Variants in CUX1 observed in about 807,000 individuals in gnomAD.
CUX1 encodes the protein protein CASP.
In CUX1, 31 loss-of-function variants were observed where a neutral mutation model predicts 158.8. The ratio of observed to expected loss-of-function variants is 0.20; its 90% CI spans 0.15 to 0.26. The LOEUF (loss-of-function observed/expected upper bound fraction) is 0.26. Among genes scored for constraint, CUX1 ranks in the 10% least tolerant of loss-of-function variants. The pLI, the probability that CUX1 is intolerant of heterozygous loss-of-function variation, is 1.00. For missense variants in CUX1, 1,589 were observed against 2,014.6 expected, an observed-to-expected ratio of 0.79 and a Z score of 4.04; for synonymous variants, 879 against 862.1, an observed-to-expected ratio of 1.02 and a Z score of -0.34.
intron 1 of CUX1, among the ~76,000 whole-genome samples, chr7:101,837,187 T>G (rs1024481798): frequency 6.6e-6 from 1 of 152,190 alleles, no homozygotes; most frequent in African/African-American, 2.4e-5. Flanking sequence ...GGAGGACATA[T>G]GTCCTCTAAG....
At chr7:102,208,233 A>G (rs1796144121) in intron 20 of CUX1, among the ~76,000 whole-genome samples, 1 of 109,728 alleles carries the variant, frequency 9.1e-6, no homozygotes, top group African/African-American at 3.4e-5. Flanking sequence ...TTCACAGTAT[A>G]TGGAGTGTGT....
chr7:101,927,901 C>A lies in CUX1; in HGVS notation c.141+11676C>A, dbSNP rs149090697. Among the ~76,000 whole-genome samples the A allele has an allele frequency of 5.4e-3, 823 of 152,286 alleles. 5 individuals are homozygous for A. The highest frequency in any genetic ancestry group is 0.019 in the African/African-American group (784 of 41,568). ...GGGGCGGCGGGTGGCATCTGAAGAC[C>A]CCGCAGGCCCTGCTTTCCTTCCGGG... On this transcript the variant is annotated intron_variant, in intron 2 of 23. Transcript: ENST00000292535.
At chr7:102,149,781 C>T (rs1835436082) in intron 8 of CUX1, among the ~76,000 whole-genome samples, 2 of 152,152 alleles carry the variant, frequency 1.3e-5, no homozygotes, top group South Asian at 4.1e-4. Flanking sequence ...CTTTGACCCC[C>T]CGAGTTAAGG....
chr7:102,267,672 C>T (rs1334073333), intron 14 of CUX1, among the ~76,000 whole-genome samples: 2 of 152,062 alleles, frequency 1.3e-5, no homozygotes, highest in Non-Finnish European at 2.9e-5. Context: ...TTTTTTTGGG[C>T]GTGGTGCAGA....
chr7:102,108,472 G>A (rs934284524), intron 6 of CUX1, among the ~76,000 whole-genome samples: 1 of 151,600 alleles, frequency 6.6e-6, no homozygotes, highest in Non-Finnish European at 1.5e-5. Flanking sequence ...AGCCTCCTGA[G>A]TAGCTGGGAT....
At chr7:102,105,176 T>TACACAC (rs3076512) in intron 6 of CUX1, among the ~76,000 whole-genome samples, 3,129 of 144,500 alleles carry the variant, frequency 0.022, 55 homozygotes, top group Middle Eastern at 0.052. Flanking sequence ...TATTTAATAT[T>TACACAC]ACACACACAC....
At chr7:102,143,474 T>C (rs1834680107) in intron 8 of CUX1, among the ~76,000 whole-genome samples, 1 of 152,140 alleles carries the variant, frequency 6.6e-6, no homozygotes, top group East Asian at 1.9e-4. Flanking sequence ...AGCTTCACCA[T>C]GTTGCCCAGG....
intron 1 of CUX1, among the ~76,000 whole-genome samples, chr7:101,899,237 C>T (rs915980892): frequency 6.6e-6 from 1 of 152,200 alleles, no homozygotes; most frequent in African/African-American, 2.4e-5. Context: ...AATCCCCTCC[C>T]TGCCAGTTGG....
intron 14 of CUX1, among the ~76,000 whole-genome samples, chr7:102,263,716 AG>A (rs1288805203): frequency 1.3e-5 from 2 of 151,514 alleles, no homozygotes; most frequent in Admixed American, 1.3e-4. Flanking sequence ...TTTTTGAGAC[AG>A]GGTCTCACTC....
rs10622369 is a variant in CUX1, at chr7:101,904,117, A to AACACACACACAC, written c.31-11976_31-11965dup. ...ACATGGCAAAACCGTGTCTTTACAA[A>AACACACACACAC]ACACACACACACACACACACACACA... On this transcript the variant is annotated intron_variant, in intron 1 of 23. Coordinates refer to ENST00000292535, the MANE Select transcript of CUX1 (RefSeq NM_181552.4). Among the ~76,000 whole-genome samples the AACACACACACAC allele has an allele frequency of 3.6e-3, 519 of 143,852 alleles. 5 individuals are homozygous for AACACACACACAC. The highest frequency in any genetic ancestry group is 0.012 in the African/African-American group (483 of 38,684). 94.4% of individuals were successfully genotyped at this position (143,852 alleles called of 152,430 possible). A position where few individuals can be genotyped will look rare whatever the true frequency, so the allele number is the denominator to read the frequency against.
chr7:102,108,125 G>A (rs894177244), intron 6 of CUX1, among the ~76,000 whole-genome samples: 4 of 152,078 alleles, frequency 2.6e-5, no homozygotes, highest in Admixed American at 1.3e-4. Flanking sequence ...TAAAAAGAAC[G>A]GACCATCCCT....
intron 4 of CUX1, among the ~76,000 whole-genome samples, chr7:102,093,960 G>A (rs1554483162): frequency 6.6e-6 from 1 of 152,136 alleles, no homozygotes. Context: ...TGCTAAGATC[G>A]GAGGCATCTG....
At chr7:101,931,832 G>A (rs780225180) in intron 2 of CUX1, among the ~76,000 whole-genome samples, 1 of 152,166 alleles carries the variant, frequency 6.6e-6, no homozygotes, top group African/African-American at 2.4e-5. Flanking sequence ...ATAGGTGTGA[G>A]CTACCGTACC....
intron 1 of CUX1, among the ~76,000 whole-genome samples, chr7:101,886,185 C>A (rs997319512): frequency 6.6e-6 from 1 of 152,110 alleles, no homozygotes; most frequent in Non-Finnish European, 1.5e-5. Context: ...GTCTGCCTTC[C>A]ATAGGACTGC....
intron 9 of CUX1, chr7:102,161,329 C>G (rs1233607329): frequency 6.6e-6 from 1 of 152,104 alleles, no homozygotes; most frequent in Admixed American, 6.6e-5. Context: ...GCCTAGGTGA[C>G]AGAGTGAGAC....
At chr7:102,084,040 C>A (rs1277206132) in intron 4 of CUX1, among the ~76,000 whole-genome samples, 1 of 145,710 alleles carries the variant, frequency 6.9e-6, no homozygotes, top group South Asian at 2.2e-4. Context: ...TGCCTGCCAC[C>A]ACACCCAGCT....
At chr7:101,941,081 T>C (rs1053824563) in intron 2 of CUX1, among the ~76,000 whole-genome samples, 2 of 152,234 alleles carry the variant, frequency 1.3e-5, no homozygotes, top group Non-Finnish European at 2.9e-5. Context: ...GTGGCTCTTT[T>C]AAAGCTGGGG....
chr7:102,056,651 A>G (rs1824166362), intron 3 of CUX1, among the ~76,000 whole-genome samples: 2 of 152,138 alleles, frequency 1.3e-5, no homozygotes, highest in Admixed American at 1.3e-4. Flanking sequence ...GCACACTGCA[A>G]CCTCTGCTTC....
At chr7:102,091,470 A>G (rs1226655546) in intron 4 of CUX1, among the ~76,000 whole-genome samples, 5 of 152,206 alleles carry the variant, frequency 3.3e-5, no homozygotes, top group East Asian at 3.9e-4. Context: ...AACTGGGACT[A>G]CAGGTGTGTT....
Sources: allele counts gnomAD v4.1 joint callset (sites outside exome capture counted in the v4.1 genomes callset), GRCh38; gene constraint gnomAD v4.1.1; transcripts MANE v1.5; gene names NCBI Gene and HGNC (gene_info 2026-07-23, HGNC 2026-07-21).